The following PLXNA1 variants were observed in gnomAD, a reference collection of about 807,000 sequenced individuals.
PLXNA1 encodes the protein plexin A1, also known as plexin-A1.
A neutral mutation model predicts 191.7 loss-of-function variants in PLXNA1; 77 were observed. The ratio of observed to expected loss-of-function variants is 0.40; its 90% CI spans 0.33 to 0.49. The LOEUF is 0.49. PLXNA1 is among the 20% of genes least tolerant of loss of function. PLXNA1 has a pLI of 0.63. For synonymous variants in PLXNA1, 1,137 were observed against 1,156.4 expected (o/e 0.98, Z 0.34); for missense variants, 2,110 against 2,660.2 (o/e 0.79, Z 4.55).
intron 7 of PLXNA1, 58 bp downstream of exon 7, chr3:127,005,301 A>G: frequency 1.3e-6 from 2 of 1,540,276 alleles, no homozygotes; most frequent in Non-Finnish European, 1.8e-6. Context: ...GCTGCAATCC[A>G]GTTGCCGCCT....
chr3:127,017,434 G>C lies in PLXNA1; in HGVS notation c.3286G>C (p.Val1096Leu). 1.9e-6 allele frequency: 3 copies of C among 1,612,696 alleles called. No individual in the cohort carries two copies. The highest frequency in any genetic ancestry group is 2.5e-6 in the Non-Finnish European group (3 of 1,179,832). ...GGIERENGCL[V>L]YNDTTMVCRA... is the part of the protein sequence containing the mutation. The stretch of plus-strand genomic sequence containing the variant: ...CACCCTGTGTCTCCAGGGCTGCCTG[G>C]TGTACAATGACACCACCATGGTATG... Residue 1096 changes from valine (V) to leucine (L), a missense_variant, in exon 18 of 32, where the codon GTG becomes CTG. Physicochemically the swap from Val to Leu is conservative, Grantham distance 32 (BLOSUM62 1). Coordinates refer to ENST00000393409, the MANE Select transcript of PLXNA1 (RefSeq NM_032242.4).
chr3:127,001,293 C>T (rs1433911386), intron 3 of PLXNA1, among the ~76,000 whole-genome samples: 2 of 152,148 alleles, frequency 1.3e-5, no homozygotes, highest in South Asian at 2.1e-4. Context: ...CCTTGCAGGC[C>T]GGGCCAGGGT....
At chr3:126,983,334 G>C (rs912372635) in intron 1 of PLXNA1, among the ~76,000 whole-genome samples, 47 bp downstream of exon 1, 1 of 145,038 alleles carries the variant, frequency 6.9e-6, no homozygotes, top group African/African-American at 2.5e-5. Flanking sequence ...GGTGGGCGGG[G>C]GCCGGGCCGG....
At position 127,006,039 on chromosome 3, in the gene PLXNA1, G is replaced by A. The variant is rs761780378; in HGVS notation, c.1898-40G>A. 11 of 1,532,552 alleles carry A rather than the reference G, an allele frequency of 7.2e-6. No individual in the cohort carries two copies. The Admixed American group carries it at 1.2e-4, about 16-fold the overall frequency. 94.9% of individuals were successfully genotyped at this position (1,532,552 alleles called of 1,614,324 possible). A position where few individuals can be genotyped will look rare whatever the true frequency, so the allele number is the denominator to read the frequency against. ...GGACTTGCCCTGTGTGGGAGTCCTGGGCAAGCAGTCCTGGTGACTCAGCCA... is the reference window on the plus strand; with the variant it reads ...GGACTTGCCCTGTGTGGGAGTCCTGAGCAAGCAGTCCTGGTGACTCAGCCA... On this transcript the variant is annotated intron_variant, in intron 7 of 31. Transcript: ENST00000393409.
chr3:127,016,030 G>A (rs536979817), intron 15 of PLXNA1, among the ~76,000 whole-genome samples: 3 of 152,240 alleles, frequency 2.0e-5, no homozygotes, highest in East Asian at 3.9e-4. Context: ...TCGGAGCCCC[G>A]GCTGAGTGAG....
chr3:126,988,506 C>T lies in PLXNA1; in HGVS notation c.-73-15C>T, dbSNP rs912273765. The T allele has an allele frequency of 2.9e-5, 34 of 1,178,058 alleles. No individual in the cohort carries two copies. The highest frequency in any genetic ancestry group is 3.8e-5 in the Non-Finnish European group (33 of 864,610). The allele number at this position is 1,178,058 out of a possible 1,614,324, so 73.0% of individuals were successfully genotyped here. ...CATGCCTGCATTCACATGCCCTCTT[C>T]TGCCCCTTCCCCAGGGCTGAAGCTC... On this transcript the variant is annotated splice_polypyrimidine_tract_variant and intron_variant, in intron 1 of 31. Coordinates refer to ENST00000393409, the MANE Select transcript of PLXNA1 (RefSeq NM_032242.4).
rs1260078007 is a variant in PLXNA1, at chr3:127,015,219, G to A, written c.2913G>A (p.Gly971=). The A allele has an allele frequency of 1.2e-6, 2 of 1,613,494 alleles. No homozygotes were observed. The highest frequency in any genetic ancestry group is 2.2e-5 in the South Asian group (2 of 91,064). The change falls in exon 15 of 32, where the codon GGG becomes GGA. Residue 971 remains glycine, a synonymous_variant. Transcript: ENST00000393409. ...PTFYRVSPSR[G]PLSGGTWIGI... is the part of the protein sequence containing the mutation. ...TCTACCGTGTGAGCCCCTCCCGTGG[G>A]CCTCTGTCAGGGGGCACCTGGATTG...
At chr3:126,994,023 A>C (rs947801429) in intron 3 of PLXNA1, among the ~76,000 whole-genome samples, 1 of 152,102 alleles carries the variant, frequency 6.6e-6, no homozygotes, top group African/African-American at 2.4e-5. Flanking sequence ...TCCTCGTACC[A>C]TGCGGACCTG....
rs368277644 is a variant in PLXNA1 at position 127,014,209 on chromosome 3, G to A, written c.2438G>A (p.Arg813His). ...CACCTCTACAAGTGCCCGGCCCTGC[G>A]CGAGAGCTGCGGCCTCTGCCTCAAG... ...QAHLYKCPAL[R>H]ESCGLCLKAD... The change falls in exon 12 of 32, where the codon CGC becomes CAC. Residue 813 changes from arginine to histidine, a missense_variant. Arg to His is a conservative substitution (Grantham distance 29). This residue lies in a region of PLXNA1 where 644 missense variants were observed against 714.3 expected (regional missense o/e 0.90). Coordinates refer to ENST00000393409, the MANE Select transcript of PLXNA1 (RefSeq NM_032242.4). 6.8e-6 allele frequency: 11 copies of A among 1,608,224 alleles called. No individual in the cohort carries two copies. Among genetic ancestry groups the A allele is most frequent in the African/African-American group, 5.4e-5 (4 of 74,758 alleles).
intron 25 of PLXNA1, chr3:127,028,689 G>T: frequency 3.7e-6 from 2 of 535,776 alleles, no homozygotes; most frequent in East Asian, 6.3e-5. Flanking sequence ...TCCTGCTGCA[G>T]ATGTGACTGG....
At position 127,031,567 on chromosome 3, in the gene PLXNA1, C is replaced by T. The variant is rs776484940; in HGVS notation, c.5232-820C>T. Among the ~76,000 whole-genome samples the T allele has an allele frequency of 3.3e-5, 5 of 152,312 alleles. No homozygotes were observed. In the South Asian group the frequency reaches 6.2e-4, roughly 19 times the overall value. ...ACTGTCCCTGCCACTTCTGCTGGCTCCCGGGCCAGCAGCCACCCCCGACTT... is the reference window on the plus strand; with the variant it reads ...ACTGTCCCTGCCACTTCTGCTGGCTTCCGGGCCAGCAGCCACCCCCGACTT... On this transcript the variant is annotated intron_variant, in intron 29 of 31. Coordinates refer to ENST00000393409, the MANE Select transcript of PLXNA1 (RefSeq NM_032242.4).
At chr3:126,990,405 A>G (rs150621791) in intron 2 of PLXNA1, among the ~76,000 whole-genome samples, 1 of 152,352 alleles carries the variant, frequency 6.6e-6, no homozygotes, top group African/African-American at 2.4e-5. Flanking sequence ...CACAGCCCCC[A>G]GCACCCATCA....
intron 2 of PLXNA1, among the ~76,000 whole-genome samples, chr3:126,990,819 A>G (rs910220753): frequency 2.6e-5 from 4 of 152,176 alleles, no homozygotes; most frequent in African/African-American, 9.7e-5. Context: ...TCTGCACCAT[A>G]CAGATGGAGA....
chr3:127,032,678 A>G lies in PLXNA1; in HGVS notation c.5445-8A>G, dbSNP rs1295951585. The stretch of plus-strand genomic sequence containing the variant: ...TGCTCATGTGCCCACCTGGCCACTC[A>G]CCTGCAGGTACTATGCAGACATCGC... On this transcript the variant is annotated splice_region_variant and splice_polypyrimidine_tract_variant and intron_variant, in intron 30 of 31. Coordinates refer to ENST00000393409, the MANE Select transcript of PLXNA1 (RefSeq NM_032242.4). 2 of 1,612,786 alleles carry G rather than the reference A, an allele frequency of 1.2e-6. No homozygotes were observed. Among genetic ancestry groups the G allele is most frequent in the Admixed American group, 1.7e-5 (1 of 59,994 alleles).
chr3:127,022,013 GCCCCTCACTGGTCAGCT>G, intron 21 of PLXNA1, 55 bp from the exon 22 acceptor site: 2 of 1,559,012 alleles, frequency 1.3e-6, no homozygotes, highest in South Asian at 2.4e-5. Context: ...GGCCTGGACA[GCCCCTCACTGGTCAGCT>G]TGGGGGCTGG....
At position 127,006,121 on chromosome 3, in the gene PLXNA1, C is replaced by T. The variant is rs1370786843; in HGVS notation, c.1940C>T (p.Thr647Ile). Residue 647 changes from threonine (T) to isoleucine (I), a missense_variant, in exon 8 of 32, where the codon ACA becomes ATA. Thr to Ile is a moderately conservative substitution (Grantham distance 89, BLOSUM62 -1). Transcript: ENST00000393409. The part of the protein sequence containing the change: ...VVKLYLKSKE[T>I]GKKFASVDFV... ...AAACTCTACCTAAAGTCCAAGGAGA[C>T]AGGGAAGAAGTTTGCGTCTGTGGAC... is the stretch of plus-strand genomic sequence containing the variant. 6 of 1,613,784 alleles carry T rather than the reference C, an allele frequency of 3.7e-6. No individual in the cohort carries two copies. Among genetic ancestry groups the T allele is most frequent in the African/African-American group, 1.3e-5 (1 of 74,926 alleles).
At chr3:127,006,582 G>C (rs1576677504) in intron 8 of PLXNA1, among the ~76,000 whole-genome samples, 1 of 152,324 alleles carries the variant, frequency 6.6e-6, no homozygotes, top group Middle Eastern at 3.4e-3. Flanking sequence ...TGGCATGGAG[G>C]GGAGGCGCTC....
intron 1 of PLXNA1, among the ~76,000 whole-genome samples, chr3:126,986,437 A>C (rs921998575): frequency 6.6e-6 from 1 of 152,178 alleles, no homozygotes; most frequent in Non-Finnish European, 1.5e-5. Context: ...CGGTTTCCCC[A>C]CCTGAGCAGT....
At chr3:127,006,232 C>G in intron 8 of PLXNA1, 54 bp downstream of exon 8, 1 of 1,377,382 alleles carries the variant, frequency 7.3e-7, no homozygotes, top group Non-Finnish European at 1.0e-6. Context: ...TTGCCCCACT[C>G]CCGTCCCTGT....
Sources: gnomAD v4.1 joint callset for allele counts (sites outside exome capture counted in the v4.1 genomes callset) on GRCh38, gnomAD v4.1.1 for gene constraint, gnomAD v4.1.1 regional missense constraint, MANE v1.5 for transcripts, NCBI Gene and HGNC (gene_info 2026-07-23, HGNC 2026-07-21) for gene names.